The following CERS3 variants were observed in gnomAD, a reference collection of about 807,000 sequenced individuals.
The protein encoded by CERS3 is ceramide synthase 3, also known as LAG1 homolog, ceramide synthase 3.
In CERS3, 33 loss-of-function variants were observed where a neutral mutation model predicts 50.3. The observed-to-expected ratio is 0.66, with a 90% CI of 0.50 to 0.88. The LOEUF is 0.88. CERS3 is among the 40% of genes least tolerant of loss of function. The pLI, the probability that CERS3 is intolerant of heterozygous loss-of-function variation, is 0.00. For missense variants in CERS3, 470 were observed against 460.3 expected, an observed-to-expected ratio of 1.02 and a Z score of -0.19; for synonymous variants, 176 against 155.2, an observed-to-expected ratio of 1.13 and a Z score of -0.99.
intron 3 of CERS3, among the ~76,000 whole-genome samples, chr15:100,495,179 C>G (rs74698418): frequency 0.025 from 3,880 of 152,308 alleles, 149 homozygotes; most frequent in African/African-American, 0.087. Context: ...GAAGGAGCTT[C>G]TACTCTGTTC....
At chr15:100,502,189 G>A (rs767864199) in intron 2 of CERS3, among the ~76,000 whole-genome samples, 22 of 139,876 alleles carry the variant, frequency 1.6e-4, no homozygotes, top group Non-Finnish European at 1.2e-4. Flanking sequence ...AGTTTGCAGT[G>A]AGCCAAGATC....
intron 8 of CERS3, among the ~76,000 whole-genome samples, chr15:100,473,649 A>G (rs2035037919): frequency 6.6e-6 from 1 of 152,218 alleles, no homozygotes; most frequent in Non-Finnish European, 1.5e-5. Context: ...GAACAATAAC[A>G]AGTGTTGGCA....
intron 10 of CERS3, among the ~76,000 whole-genome samples, chr15:100,463,634 C>A (rs1021865649): frequency 1.3e-5 from 2 of 152,010 alleles, no homozygotes; most frequent in Admixed American, 1.3e-4. Flanking sequence ...CTTCTAAGGG[C>A]CCCTGTGGAG....
At chr15:100,467,310 A>G (rs986000321) in intron 10 of CERS3, among the ~76,000 whole-genome samples, 5 of 151,912 alleles carry the variant, frequency 3.3e-5, no homozygotes, top group Non-Finnish European at 7.4e-5. Context: ...TAATAATAAT[A>G]ATAATTAATA....
chr15:100,471,745 G>T (rs1200498504), intron 9 of CERS3, among the ~76,000 whole-genome samples: 1 of 152,074 alleles, frequency 6.6e-6, no homozygotes, highest in East Asian at 1.9e-4. Flanking sequence ...CTTTAGAATG[G>T]GATTTACATG....
chr15:100,512,771 C>T (rs1452297239), intron 2 of CERS3, among the ~76,000 whole-genome samples: 1 of 152,082 alleles, frequency 6.6e-6, no homozygotes, highest in Non-Finnish European at 1.5e-5. Context: ...GTATTCTGAG[C>T]AAGTCAAAAA....
intron 11 of CERS3, among the ~76,000 whole-genome samples, chr15:100,438,949 C>G (rs1013510118): frequency 6.6e-6 from 1 of 152,204 alleles, no homozygotes; most frequent in Non-Finnish European, 1.5e-5. Flanking sequence ...TATTTTCCTT[C>G]TAATTTCCTC....
At chr15:100,448,183 T>G (rs952726614) in intron 11 of CERS3, among the ~76,000 whole-genome samples, 4 of 152,186 alleles carry the variant, frequency 2.6e-5, no homozygotes, top group Non-Finnish European at 5.9e-5. Context: ...GGGGATTCTT[T>G]AAAAAGCAGC....
chr15:100,416,396 T>C (rs1681432667), intron 11 of CERS3, among the ~76,000 whole-genome samples: 1 of 152,202 alleles, frequency 6.6e-6, no homozygotes, highest in Non-Finnish European at 1.5e-5. Context: ...GACTCCCTAT[T>C]CAGTAAACAG....
intron 3 of CERS3, among the ~76,000 whole-genome samples, chr15:100,498,641 C>CA (rs1183700854): frequency 6.6e-6 from 1 of 152,168 alleles, no homozygotes; most frequent in East Asian, 1.9e-4. Flanking sequence ...GACACCCAGA[C>CA]GGCCCCCCCT....
chr15:100,532,382 T>C (rs1351245896), upstream of CERS3, among the ~76,000 whole-genome samples: 2 of 152,214 alleles, frequency 1.3e-5, no homozygotes, highest in East Asian at 3.8e-4. Flanking sequence ...GATTTTACTA[T>C]CAACAAACTG....
chr15:100,417,453 G>A (rs1234280121), intron 11 of CERS3, among the ~76,000 whole-genome samples: 5 of 152,036 alleles, frequency 3.3e-5, no homozygotes, highest in African/African-American at 4.8e-5. Context: ...CTCGCTGATT[G>A]CTAGCACAGC....
At chr15:100,531,530 G>A (rs1417087785), upstream of CERS3, among the ~76,000 whole-genome samples, 1 of 152,198 alleles carries the variant, frequency 6.6e-6, no homozygotes, top group Non-Finnish European at 1.5e-5. Flanking sequence ...CCCAGGGCAG[G>A]AAATAGGCTG....
intron 11 of CERS3, among the ~76,000 whole-genome samples, chr15:100,437,390 T>G (rs1240314228): frequency 6.6e-6 from 1 of 152,208 alleles, no homozygotes; most frequent in Non-Finnish European, 1.5e-5. Context: ...TGTTACAGAC[T>G]TTGTGTTCTT....
chr15:100,508,862 T>TCTAAGTTCTG (rs2036258114), intron 2 of CERS3, among the ~76,000 whole-genome samples: 1 of 152,218 alleles, frequency 6.6e-6, no homozygotes, highest in Non-Finnish European at 1.5e-5. Flanking sequence ...GTGTGCATTC[T>TCTAAGTTCTG]CTAAGTTCTG....
At chr15:100,496,023 T>C (rs983673232) in intron 3 of CERS3, among the ~76,000 whole-genome samples, 2 of 152,216 alleles carry the variant, frequency 1.3e-5, no homozygotes, top group African/African-American at 2.4e-5. Flanking sequence ...AATTATACAA[T>C]ATGTGGTCAC....
intron 9 of CERS3, among the ~76,000 whole-genome samples, chr15:100,472,065 G>C (rs140639194): frequency 1.3e-4 from 20 of 152,300 alleles, no homozygotes; most frequent in African/African-American, 4.8e-4. Flanking sequence ...CCCCAACCTA[G>C]AAGAATAAGA....
chr15:100,481,159 A>C (rs2035287374), intron 5 of CERS3, among the ~76,000 whole-genome samples: 1 of 152,204 alleles, frequency 6.6e-6, no homozygotes, highest in South Asian at 2.1e-4. Flanking sequence ...ATGTAGAATC[A>C]GAATCAGAAA....
chr15:100,486,812 G>A (rs1240468837), intron 4 of CERS3, among the ~76,000 whole-genome samples: 1 of 152,212 alleles, frequency 6.6e-6, no homozygotes, highest in Non-Finnish European at 1.5e-5. Flanking sequence ...CTAGGTGTGG[G>A]AGATTCAGTA....
Sources: allele counts gnomAD v4.1 joint callset (sites outside exome capture counted in the v4.1 genomes callset), GRCh38; gene constraint gnomAD v4.1.1; transcripts MANE v1.5; gene names NCBI Gene and HGNC (gene_info 2026-07-23, HGNC 2026-07-21).